Variants in DNAJC3 observed in about 807,000 individuals in gnomAD.
DNAJC3 encodes dnaJ homolog subfamily C member 3.
A neutral mutation model predicts 68.6 loss-of-function variants in DNAJC3; 38 were observed. The ratio of observed to expected loss-of-function variants is 0.55; its 90% CI spans 0.43 to 0.73. DNAJC3 has a LOEUF of 0.73. Ranked by LOEUF, DNAJC3 falls within the 30% of genes least tolerant of loss-of-function variation. The pLI, the probability that DNAJC3 is intolerant of heterozygous loss-of-function variation, is 0.00. For synonymous variants in DNAJC3, 203 were observed against 204.0 expected, an observed-to-expected ratio of 1.00 and a Z score of 0.04; for missense variants, 526 against 591.9, an observed-to-expected ratio of 0.89 and a Z score of 1.16.
intron 1 of DNAJC3, among the ~76,000 whole-genome samples, chr13:95,683,159 G>A (rs1352763804): frequency 1.3e-5 from 2 of 152,176 alleles, no homozygotes; most frequent in Admixed American, 1.3e-4. Context: ...AAACAATACA[G>A]TGTGAGGGAA....
intron 9 of DNAJC3, among the ~76,000 whole-genome samples, chr13:95,765,514 G>A (rs1328092347): frequency 2.0e-5 from 3 of 150,796 alleles, no homozygotes; most frequent in African/African-American, 7.3e-5. Flanking sequence ...GAAACCTGAT[G>A]GCTTAATTCT....
At chr13:95,737,017 G>A (rs1229804906) in intron 4 of DNAJC3, among the ~76,000 whole-genome samples, 1 of 151,922 alleles carries the variant, frequency 6.6e-6, no homozygotes, top group Non-Finnish European at 1.5e-5. Flanking sequence ...TTTATTGAGA[G>A]TTTTTAGCCT....
In DNAJC3 at chr13:95,773,731, C is replaced by CTCTTT. The variant is rs1359420907; in HGVS notation, c.1075+9779_1075+9780insCTTTT. Among the ~76,000 whole-genome samples the CTCTTT allele has an allele frequency of 1.4e-3, 102 of 71,348 alleles. 1 individual carries two copies. The highest frequency in any genetic ancestry group is 5.7e-3 in the African/African-American group (99 of 17,470). 46.8% of individuals were successfully genotyped at this position (71,348 alleles called of 152,430 possible). On this transcript the variant is annotated intron_variant, in intron 9 of 11. Transcript: ENST00000602402. Reference sequence around the variant, plus strand: ...ACAAAGTTTGGTCAATTTTGTTGGTCTTTTTTTTTTTTTTTTTTTTTTTTG... The same window carrying CTCTTT: ...ACAAAGTTTGGTCAATTTTGTTGGTCTCTTTTTTTTTTTTTTTTTTTTTTTTTTTG...
At chr13:95,717,663 C>A (rs1247699645) in intron 2 of DNAJC3, among the ~76,000 whole-genome samples, 1 of 152,172 alleles carries the variant, frequency 6.6e-6, no homozygotes, top group Non-Finnish European at 1.5e-5. Flanking sequence ...TGGTTCCCCC[C>A]ATACTGTTCT....
intron 1 of DNAJC3, among the ~76,000 whole-genome samples, chr13:95,708,792 GT>G (rs1880854110): frequency 6.6e-6 from 1 of 152,158 alleles, no homozygotes; most frequent in South Asian, 2.1e-4. Flanking sequence ...AGGGGCAGGA[GT>G]TTTTTAATGT....
chr13:95,769,471 T>C (rs1201656752), intron 9 of DNAJC3, among the ~76,000 whole-genome samples: 1 of 152,238 alleles, frequency 6.6e-6, no homozygotes, highest in Non-Finnish European at 1.5e-5. Flanking sequence ...TGCTTATATA[T>C]TGCCATTCTT....
At chr13:95,759,152 T>G (rs781636863) in intron 5 of DNAJC3, among the ~76,000 whole-genome samples, 13 of 152,332 alleles carry the variant, frequency 8.5e-5, no homozygotes, top group Non-Finnish European at 1.5e-4. Flanking sequence ...ATTTGAAGAA[T>G]ACTATTGTGT....
Position 95,763,968 on chromosome 13 carries a change from A to G in DNAJC3, c.1075+15A>G. The G allele has an allele frequency of 6.2e-7, 1 of 1,612,988 alleles. No homozygotes were observed. The highest frequency in any genetic ancestry group is 8.5e-7 in the Non-Finnish European group (1 of 1,179,576). On this transcript the variant is annotated intron_variant, in intron 9 of 11. Transcript: ENST00000602402. ...GTATGATGAAGGTAAATCTTTAAGGATTTGATTTGCAGTACCGAAGTGTTG... is the reference window on the plus strand; with the variant it reads ...GTATGATGAAGGTAAATCTTTAAGGGTTTGATTTGCAGTACCGAAGTGTTG...
At chr13:95,730,449 GTTTAAGTC>G (rs1438355408) in intron 4 of DNAJC3, among the ~76,000 whole-genome samples, 1 of 152,064 alleles carries the variant, frequency 6.6e-6, no homozygotes, top group Non-Finnish European at 1.5e-5. Context: ...TAGGTCTTAC[GTTTAAGTC>G]TTTAAGGCGT....
chr13:95,776,370 A>G (rs1202708715), intron 9 of DNAJC3, among the ~76,000 whole-genome samples: 2 of 152,170 alleles, frequency 1.3e-5, no homozygotes, highest in Admixed American at 6.6e-5. Flanking sequence ...GAGACACTGG[A>G]ATCACCTGTG....
chr13:95,714,535 A>G (rs1394632634), intron 2 of DNAJC3, among the ~76,000 whole-genome samples: 1 of 152,134 alleles, frequency 6.6e-6, no homozygotes, highest in Non-Finnish European at 1.5e-5. Flanking sequence ...TTTCTTAACT[A>G]TGTGACATTT....
At position 95,721,989 on chromosome 13, in the gene DNAJC3, ATGATGAACACC is replaced by A. The variant is rs375987087; in HGVS notation, c.194-1249_194-1239del. ...AGGGAGTTTAATTGTATATCTTATGATGATGAACACCTGAGTAGATAAATCTTTTATTTTTA... is the reference window on the plus strand; with the variant it reads ...AGGGAGTTTAATTGTATATCTTATGATGAGTAGATAAATCTTTTATTTTTA... On this transcript the variant is annotated intron_variant, in intron 2 of 11. Coordinates refer to ENST00000602402, the MANE Select transcript of DNAJC3 (RefSeq NM_006260.5). 2.2e-3 allele frequency among the ~76,000 whole-genome samples: 333 copies of A among 152,334 alleles called. 5 individuals are homozygous for A. Among genetic ancestry groups the A allele is most frequent in the Middle Eastern group, 0.01 (3 of 294 alleles).
chr13:95,682,484 A>T (rs971449275), intron 1 of DNAJC3, among the ~76,000 whole-genome samples: 5 of 152,228 alleles, frequency 3.3e-5, no homozygotes, highest in African/African-American at 9.6e-5. Flanking sequence ...CTTTAAGTTT[A>T]AAAAAATCCT....
intron 7 of DNAJC3, among the ~76,000 whole-genome samples, chr13:95,761,912 C>T (rs1204219505): frequency 6.6e-6 from 1 of 152,020 alleles, no homozygotes; most frequent in Non-Finnish European, 1.5e-5. Context: ...GCAGGATGGG[C>T]TTTTTTCCCC....
intron 1 of DNAJC3, among the ~76,000 whole-genome samples, chr13:95,701,100 G>C (rs577144537): frequency 6.6e-6 from 1 of 152,222 alleles, no homozygotes; most frequent in Admixed American, 6.5e-5. Context: ...TTTTCCTTCA[G>C]GTTTCAGGTG....
intron 1 of DNAJC3, among the ~76,000 whole-genome samples, chr13:95,698,101 C>T: frequency 6.7e-6 from 1 of 149,708 alleles, no homozygotes. Context: ...ATTTAAATGG[C>T]TTTTTTTTTT....
chr13:95,708,953 C>G (rs777545638), intron 1 of DNAJC3, among the ~76,000 whole-genome samples: 1 of 152,146 alleles, frequency 6.6e-6, no homozygotes. Flanking sequence ...AATATTTTTA[C>G]TACTTCTGCA....
intron 4 of DNAJC3, among the ~76,000 whole-genome samples, chr13:95,734,682 C>G (rs189407410): frequency 3.3e-5 from 5 of 152,130 alleles, no homozygotes; most frequent in Admixed American, 1.3e-4. Context: ...TTATGGAGTT[C>G]TGTGTGTCAT....
In DNAJC3 at chr13:95,749,489, G is replaced by A. The variant is rs1226687110; in HGVS notation, c.394-8155G>A. 2.0e-5 allele frequency among the ~76,000 whole-genome samples: 3 copies of A among 152,178 alleles called. No individual in the cohort carries two copies. The East Asian group carries it at 5.8e-4, about 29-fold the overall frequency. On this transcript the variant is annotated intron_variant, in intron 4 of 11. Coordinates refer to ENST00000602402, the MANE Select transcript of DNAJC3 (RefSeq NM_006260.5). Reference sequence around the variant, plus strand: ...ATGGAGTAAGACTCTATTACATCAGGAAAAGAGGGAACTACTGACTTTTAG... The same window carrying A: ...ATGGAGTAAGACTCTATTACATCAGAAAAAGAGGGAACTACTGACTTTTAG...
Sources: allele counts gnomAD v4.1 joint callset (sites outside exome capture counted in the v4.1 genomes callset), GRCh38; gene constraint gnomAD v4.1.1; transcripts MANE v1.5; gene names NCBI Gene and HGNC (gene_info 2026-07-23, HGNC 2026-07-21).